The following WDR76 variants were observed in gnomAD, a reference collection of about 807,000 sequenced individuals.
WDR76 encodes the protein WD repeat-containing protein 76.
WDR76 carries 52 observed loss-of-function variants against 70.2 expected under a neutral mutation model. The observed-to-expected ratio is 0.74, with a 90% CI of 0.59 to 0.93. The LOEUF (loss-of-function observed/expected upper bound fraction) is 0.93. Ranked by LOEUF, WDR76 falls within the 40% of genes least tolerant of loss-of-function variation. WDR76 has a pLI of 0.00. For synonymous variants in WDR76, 292 were observed against 271.1 expected (o/e 1.08, Z -0.76); for missense variants, 756 against 760.2 (o/e 0.99, Z 0.07).
In WDR76 at chr15:43,827,649, A is replaced by G. The variant is rs1596062762; in HGVS notation, c.61-316A>G. On this transcript the variant is annotated intron_variant, in intron 1 of 12. Coordinates refer to ENST00000263795, the MANE Select transcript of WDR76 (RefSeq NM_024908.4). ...AACCTCCGTCTCCCGGGTTCAAGTG[A>G]TTCTTCTGCCTCAGCCTCCTGAGTA... 2.0e-5 allele frequency among the ~76,000 whole-genome samples: 3 copies of G among 152,062 alleles called. No individual in the cohort carries two copies. In the East Asian group the frequency reaches 5.8e-4, roughly 29 times the overall value.
rs893078350 is a variant in WDR76 at position 43,841,020 on chromosome 15, CT to C, written c.732+1304del. ...ATACATGTGGTGCACTTTGGTATTTCTTTTTTTTTTTTCTTTCTGAGACAGA... is the reference window on the plus strand; with the variant it reads ...ATACATGTGGTGCACTTTGGTATTTCTTTTTTTTTTTCTTTCTGAGACAGA... On this transcript the variant is annotated intron_variant, in intron 5 of 12. Coordinates refer to ENST00000263795, the MANE Select transcript of WDR76 (RefSeq NM_024908.4). Among the ~76,000 whole-genome samples the C allele has an allele frequency of 7.3e-3, 1,056 of 144,526 alleles. 17 individuals are homozygous for C. The highest frequency in any genetic ancestry group is 0.042 in the East Asian group (212 of 5,032). 94.8% of individuals were successfully genotyped at this position (144,526 alleles called of 152,430 possible).
chr15:43,844,735 G>C (rs3102448), intron 8 of WDR76, among the ~76,000 whole-genome samples: 121,355 of 149,768 alleles, frequency 0.81, 49,478 homozygotes, highest in East Asian at 1. Context: ...CAGTGAAACC[G>C]CGTCTCTACT....
chr15:43,836,244 A>C (rs368659918), intron 4 of WDR76, 28 bp downstream of exon 4: 2 of 1,596,916 alleles, frequency 1.3e-6, no homozygotes, highest in African/African-American at 1.3e-5. Flanking sequence ...CAATGCCTGA[A>C]CCATGATACA....
At chr15:43,849,089 C>G (rs371254994) in intron 8 of WDR76, among the ~76,000 whole-genome samples, 1 of 149,258 alleles carries the variant, frequency 6.7e-6, no homozygotes, top group African/African-American at 2.5e-5. Flanking sequence ...ACAGGAGAAT[C>G]GCTTGAACCT....
At chr15:43,836,391 T>G (rs1442891464) in intron 4 of WDR76, among the ~76,000 whole-genome samples, 175 bp downstream of exon 4, 1 of 152,198 alleles carries the variant, frequency 6.6e-6, no homozygotes, top group Non-Finnish European at 1.5e-5. Flanking sequence ...ATTCTCATCT[T>G]CATCAAAGGA....
chr15:43,839,529 A>G, intron 4 of WDR76, 76 bp from the exon 5 acceptor site: 5 of 1,437,288 alleles, frequency 3.5e-6, no homozygotes, highest in Non-Finnish European at 4.7e-6. Flanking sequence ...ATATTCCTAG[A>G]AGTTATCTCT....
chr15:43,828,716 T>A (rs868834499), intron 2 of WDR76, among the ~76,000 whole-genome samples: 1 of 152,200 alleles, frequency 6.6e-6, no homozygotes, highest in Non-Finnish European at 1.5e-5. Context: ...GTCATCAGTT[T>A]GTGGGACATG....
In WDR76 at chr15:43,836,157, A is replaced by G. The variant is rs201705226; in HGVS notation, c.553-4A>G. ...CATTTTTACATGATTTTTATACTTT[A>G]CAGTCTGCTGCAAGACTCCGTGAAA... is the stretch of plus-strand genomic sequence containing the variant. On this transcript the variant is annotated splice_region_variant and splice_polypyrimidine_tract_variant and intron_variant, in intron 3 of 12. Transcript: ENST00000263795. 4.0e-5 allele frequency: 64 copies of G among 1,604,294 alleles called. No individual in the cohort carries two copies. The highest frequency in any genetic ancestry group is 5.3e-5 in the Non-Finnish European group (62 of 1,176,298).
chr15:43,859,479 T>C (rs1352503584), intron 11 of WDR76, among the ~76,000 whole-genome samples: 2 of 152,244 alleles, frequency 1.3e-5, no homozygotes, highest in Non-Finnish European at 2.9e-5. Context: ...ATGAGAGTTT[T>C]ACCTTAAGTG....
intron 11 of WDR76, among the ~76,000 whole-genome samples, chr15:43,860,690 G>T (rs2087984960): frequency 6.6e-6 from 1 of 150,928 alleles, no homozygotes; most frequent in African/African-American, 2.4e-5. Flanking sequence ...ATTTTTTTTT[G>T]TAGTGATAGG....
At chr15:43,827,736 GT>G (rs2087534424) in intron 1 of WDR76, among the ~76,000 whole-genome samples, 1 of 152,120 alleles carries the variant, frequency 6.6e-6, no homozygotes, top group African/African-American at 2.4e-5. Context: ...GTAGAGACAG[GT>G]GGTTTCATTA....
At chr15:43,839,352 A>C (rs1297482291) in intron 4 of WDR76, among the ~76,000 whole-genome samples, 1 of 152,182 alleles carries the variant, frequency 6.6e-6, no homozygotes, top group Non-Finnish European at 1.5e-5. Context: ...GATCTATATC[A>C]TTCTTTTTAT....
rs971569471 is a variant in WDR76 at position 43,840,905 on chromosome 15, G to A, written c.732+1177G>A. Among the ~76,000 whole-genome samples, 5 of 151,828 alleles carry A rather than the reference G, an allele frequency of 3.3e-5. No individual in the cohort carries two copies. In the South Asian group the frequency reaches 6.2e-4, roughly 19 times the overall value. On this transcript the variant is annotated intron_variant, in intron 5 of 12. Coordinates refer to ENST00000263795, the MANE Select transcript of WDR76 (RefSeq NM_024908.4). ...CTGAGGTGGGAGCATCACTTGAGAC[G>A]TTAATTTAAAAATATATATATATAT... is the stretch of plus-strand genomic sequence containing the variant.
chr15:43,865,429 T>C (rs1187715442), intron 12 of WDR76, among the ~76,000 whole-genome samples: 2 of 152,194 alleles, frequency 1.3e-5, no homozygotes, highest in African/African-American at 2.4e-5. Context: ...CCCGCCACCA[T>C]GGCCAGCTAA....
chr15:43,850,330 CT>C (rs1385600443), intron 8 of WDR76, among the ~76,000 whole-genome samples: 2 of 150,632 alleles, frequency 1.3e-5, no homozygotes, highest in African/African-American at 2.5e-5. Flanking sequence ...GAGTCTTGCT[CT>C]GTCACCCAGG....
Position 43,843,957 on chromosome 15 carries a change from C to A in WDR76, c.935C>A (p.Thr312Asn). 1 of 1,612,402 alleles carries A rather than the reference C, an allele frequency of 6.2e-7. No individual in the cohort carries two copies. Among genetic ancestry groups the A allele is most frequent in the Non-Finnish European group, 8.5e-7 (1 of 1,179,120 alleles). The change falls in exon 8 of 13, where the codon ACC (threonine) becomes AAC (asparagine). Residue 312 changes from threonine (T) to asparagine (N), a missense_variant. Transcript: ENST00000263795. ...AGTGAAGATACCGTTTACAAAGTTA[C>A]CACAGGCCCAATATTCTCTATGGCT... is the stretch of plus-strand genomic sequence containing the variant. ...VISEDTVYKV[T>N]TGPIFSMALH...
chr15:43,848,032 C>A (rs1431677929), intron 8 of WDR76, among the ~76,000 whole-genome samples: 1 of 151,656 alleles, frequency 6.6e-6, no homozygotes, highest in Non-Finnish European at 1.5e-5. Context: ...AATTTGAGAC[C>A]TGCCTAGGTG....
chr15:43,841,838 CCT>C (rs2087729454), intron 5 of WDR76, among the ~76,000 whole-genome samples: 1 of 152,020 alleles, frequency 6.6e-6, no homozygotes, highest in African/African-American at 2.4e-5. Context: ...CAAGTTAACT[CCT>C]CTTAAGTTTC....
intron 2 of WDR76, among the ~76,000 whole-genome samples, chr15:43,833,849 A>G (rs532304526): frequency 6.6e-6 from 1 of 151,600 alleles, no homozygotes; most frequent in Non-Finnish European, 1.5e-5. Flanking sequence ...GCTGGCCAGG[A>G]TGGTCCTGAT....
Sources: gnomAD v4.1 joint callset for allele counts (sites outside exome capture counted in the v4.1 genomes callset) on GRCh38, gnomAD v4.1.1 for gene constraint, MANE v1.5 for transcripts, NCBI Gene and HGNC (gene_info 2026-07-23, HGNC 2026-07-21) for gene names.